RAP1GAP2: variants seen among roughly 807,000 people sequenced by gnomAD.
RAP1GAP2 encodes the protein RAP1 GTPase activating protein 2.
In RAP1GAP2, 27 loss-of-function variants were observed where a neutral mutation model predicts 95.0. The observed-to-expected ratio is 0.28, with a 90% CI of 0.21 to 0.39. RAP1GAP2 has a LOEUF of 0.39. Ranked by LOEUF, RAP1GAP2 falls within the 10% of genes least tolerant of loss-of-function variation. RAP1GAP2 has a pLI of 1.00. For missense variants in RAP1GAP2, 771 were observed against 970.0 expected (o/e 0.79, Z 2.72); for synonymous variants, 373 against 380.9 (o/e 0.98, Z 0.24).
chr17:2,973,605 T>A (rs1271643582), intron 8 of RAP1GAP2, among the ~76,000 whole-genome samples: 1 of 152,208 alleles, frequency 6.6e-6, no homozygotes, highest in Non-Finnish European at 1.5e-5. Flanking sequence ...CTAGTCTGTT[T>A]AAATAATGAA....
chr17:2,923,553 C>G (rs2042861831), intron 3 of RAP1GAP2, among the ~76,000 whole-genome samples: 1 of 151,644 alleles, frequency 6.6e-6, no homozygotes, highest in Non-Finnish European at 1.5e-5. Context: ...AGGCTGGTCT[C>G]GAACTCCTGA....
chr17:2,999,388 C>T (rs2046077311), intron 14 of RAP1GAP2, among the ~76,000 whole-genome samples: 1 of 152,180 alleles, frequency 6.6e-6, no homozygotes, highest in South Asian at 2.1e-4. Flanking sequence ...TGAATTTGTG[C>T]CTTTCCTTGG....
chr17:2,912,764 C>T (rs1282364349), intron 3 of RAP1GAP2, among the ~76,000 whole-genome samples: 1 of 152,154 alleles, frequency 6.6e-6, no homozygotes. Flanking sequence ...GGAGCCACTG[C>T]CCATTGTTCT....
In RAP1GAP2 at chr17:2,827,672, G is replaced by A. The variant is rs927756783; in HGVS notation, c.80+27122G>A. ...AAAATACAAAAATTAGCCGGGCGTG[G>A]TGGTACCTGCCTGTAATCCCCAAGC... is the stretch of plus-strand genomic sequence containing the variant. On this transcript the variant is annotated intron_variant, in intron 2 of 24. Coordinates refer to ENST00000254695, the MANE Select transcript of RAP1GAP2 (RefSeq NM_015085.5). The surrounding 1 kb of genome is among the most constrained non-coding windows in gnomAD (Gnocchi z 4.1). 6.6e-6 allele frequency among the ~76,000 whole-genome samples: 1 copy of A among 152,098 alleles called. No homozygotes were observed. Among genetic ancestry groups the A allele is most frequent in the Non-Finnish European group, 1.5e-5 (1 of 68,020 alleles).
chr17:3,019,445 T>C (rs1463532199), intron 18 of RAP1GAP2, among the ~76,000 whole-genome samples: 3 of 151,730 alleles, frequency 2.0e-5, no homozygotes, highest in African/African-American at 4.8e-5. Flanking sequence ...CCTGGGGAGG[T>C]TGAGGCTCTA....
chr17:2,773,747 A>G (rs1000124841), upstream of RAP1GAP2, among the ~76,000 whole-genome samples: 3 of 133,352 alleles, frequency 2.2e-5, no homozygotes, highest in African/African-American at 7.6e-5. Flanking sequence ...TTATTTATTT[A>G]TTTATTTATT....
intron 3 of RAP1GAP2, among the ~76,000 whole-genome samples, chr17:2,944,905 C>T (rs918664114): frequency 5.3e-5 from 8 of 152,058 alleles, no homozygotes; most frequent in African/African-American, 9.7e-5. Context: ...TTTTTTGAGA[C>T]GGAGTCTTGC....
intron 19 of RAP1GAP2, among the ~76,000 whole-genome samples, chr17:3,025,529 C>T (rs2047081805): frequency 1.3e-5 from 2 of 152,246 alleles, no homozygotes; most frequent in South Asian, 4.1e-4. Flanking sequence ...GCAGCCTCCT[C>T]ATGTGGGACC....
At chr17:2,966,433 G>GA (rs1468320050) in intron 8 of RAP1GAP2, among the ~76,000 whole-genome samples, 2 of 152,210 alleles carry the variant, frequency 1.3e-5, no homozygotes, top group Non-Finnish European at 2.9e-5. Context: ...AGAATGCTGT[G>GA]AACCTGTCAG....
intron 2 of RAP1GAP2, chr17:2,853,908 G>T: frequency 3.4e-5 from 33 of 978,772 alleles, no homozygotes; most frequent in Non-Finnish European, 3.9e-5. Flanking sequence ...GGGCCGGGGC[G>T]CGGGCTCAGG....
At chr17:2,836,587 A>G (rs2071140640) in intron 2 of RAP1GAP2, among the ~76,000 whole-genome samples, 1 of 152,066 alleles carries the variant, frequency 6.6e-6, no homozygotes, top group Non-Finnish European at 1.5e-5. Context: ...AGCTGAGATC[A>G]CGTCACTGCA....
At chr17:2,846,232 T>A (rs1345359806) in intron 2 of RAP1GAP2, among the ~76,000 whole-genome samples, 1 of 152,020 alleles carries the variant, frequency 6.6e-6, no homozygotes, top group Non-Finnish European at 1.5e-5. Flanking sequence ...CGTTGAAGCA[T>A]TTTAAGCATT....
chr17:2,887,134 A>G (rs2073530457), intron 2 of RAP1GAP2, among the ~76,000 whole-genome samples: 1 of 151,446 alleles, frequency 6.6e-6, no homozygotes, highest in Admixed American at 6.6e-5. Context: ...GCAGTGGCGC[A>G]TTGCACTCTG....
At chr17:2,841,341 T>C (rs1292017757) in intron 2 of RAP1GAP2, among the ~76,000 whole-genome samples, 5 of 143,404 alleles carry the variant, frequency 3.5e-5, no homozygotes, top group African/African-American at 1.1e-4. Flanking sequence ...TCTTGCTCTG[T>C]CGCCCAGGCT....
chr17:3,031,103 C>T (rs1029470159), intron 23 of RAP1GAP2, 105 bp downstream of exon 23: 26 of 1,268,486 alleles, frequency 2.0e-5, no homozygotes, highest in Admixed American at 2.0e-4. Flanking sequence ...GGGGGCTCCC[C>T]GAAGGAGGCA....
At chr17:2,998,503 G>C in intron 14 of RAP1GAP2, 127 bp downstream of exon 14, 4 of 1,217,266 alleles carry the variant, frequency 3.3e-6, no homozygotes, top group Non-Finnish European at 3.4e-6. Context: ...GGTTTCTGGG[G>C]TTTGGAGCTA....
At chr17:2,779,933 TG>T (rs532592622) in intron 1 of RAP1GAP2, among the ~76,000 whole-genome samples, 204 of 150,228 alleles carry the variant, frequency 1.4e-3, no homozygotes, top group Non-Finnish European at 2.0e-3. Flanking sequence ...GGTAACCAAA[TG>T]GGAGGGGGAT....
chr17:2,910,529 C>T (rs1052930917), intron 3 of RAP1GAP2, among the ~76,000 whole-genome samples: 2 of 152,140 alleles, frequency 1.3e-5, no homozygotes, highest in Non-Finnish European at 2.9e-5. Flanking sequence ...AAGGCTTCAC[C>T]TGGTTCTCTT....
intron 8 of RAP1GAP2, among the ~76,000 whole-genome samples, chr17:2,972,260 C>T (rs1407616735): frequency 1.3e-5 from 2 of 151,824 alleles, no homozygotes; most frequent in African/African-American, 2.4e-5. Context: ...TTTAAAGGAG[C>T]AGATTTTATG....
Sources: gnomAD v4.1 joint callset for allele counts (sites outside exome capture counted in the v4.1 genomes callset) on GRCh38, gnomAD v4.1.1 for gene constraint, Gnocchi (gnomAD v3.1) non-coding constraint, MANE v1.5 for transcripts, NCBI Gene and HGNC (gene_info 2026-07-23, HGNC 2026-07-21) for gene names.